KCNMA1: variants seen among roughly 807,000 people sequenced by gnomAD.
KCNMA1 encodes the protein potassium calcium-activated channel subfamily M alpha 1.
In KCNMA1, 29 loss-of-function variants were observed where a neutral mutation model predicts 140.0. That is an observed-to-expected ratio of 0.21 (90% CI 0.15 to 0.28). KCNMA1 has a LOEUF of 0.28. Among genes scored for constraint, KCNMA1 ranks in the 10% least tolerant of loss-of-function variants. KCNMA1 has a pLI of 1.00. For missense variants in KCNMA1, 880 were observed against 1,602.2 expected (o/e 0.55, Z 7.70); for synonymous variants, 612 against 611.9 (o/e 1.00, Z 0.00).
intron 5 of KCNMA1, among the ~76,000 whole-genome samples, chr10:77,130,613 T>C (rs1396570744): frequency 6.6e-6 from 1 of 152,092 alleles, no homozygotes; most frequent in Non-Finnish European, 1.5e-5. Flanking sequence ...ACATAGCAGA[T>C]GGATCACAAT....
chr10:77,561,401 C>T (rs976104775), intron 1 of KCNMA1, among the ~76,000 whole-genome samples: 1 of 152,154 alleles, frequency 6.6e-6, no homozygotes, highest in Non-Finnish European at 1.5e-5. Flanking sequence ...TTCTCATCCC[C>T]ACTTTGCGGA....
intron 9 of KCNMA1, among the ~76,000 whole-genome samples, chr10:77,100,246 T>C (rs1431982996): frequency 6.6e-6 from 1 of 152,200 alleles, no homozygotes; most frequent in East Asian, 1.9e-4. Flanking sequence ...GGAGTTTTCC[T>C]AAGGCTGTTC....
chr10:77,428,925 C>T (rs372100936), intron 1 of KCNMA1, among the ~76,000 whole-genome samples: 1 of 152,118 alleles, frequency 6.6e-6, no homozygotes, highest in Admixed American at 6.5e-5. Flanking sequence ...CAGAGCAAAG[C>T]GAGCTGCCCC....
intron 18 of KCNMA1, among the ~76,000 whole-genome samples, chr10:77,006,730 G>C (rs190178214): frequency 2.7e-4 from 41 of 152,316 alleles, no homozygotes; most frequent in African/African-American, 9.1e-4. Context: ...TTTGGCACTA[G>C]AGTTGTTGGT....
chr10:77,104,329 A>G (rs1020449427), intron 9 of KCNMA1, among the ~76,000 whole-genome samples: 6 of 152,326 alleles, frequency 3.9e-5, no homozygotes, highest in South Asian at 4.1e-4. Flanking sequence ...TTTCACAGGC[A>G]GCTTTCTTGA....
chr10:76,929,058 G>GT (rs573651810), intron 23 of KCNMA1, among the ~76,000 whole-genome samples: 16 of 151,872 alleles, frequency 1.1e-4, no homozygotes, highest in Admixed American at 1.3e-4. Flanking sequence ...ACAGAAATGA[G>GT]TTTTTTTTAA....
At chr10:77,059,406 G>A (rs371570752) in intron 14 of KCNMA1, among the ~76,000 whole-genome samples, 5 of 151,800 alleles carry the variant, frequency 3.3e-5, no homozygotes, top group Admixed American at 6.6e-5. Flanking sequence ...TCTAAGAAAC[G>A]TACAAACTAA....
At position 77,112,398 on chromosome 10, in the gene KCNMA1, G is replaced by A; in HGVS notation, c.929C>T (p.Thr310Met). Residue 310 changes from threonine to methionine, a missense_variant, in exon 7 of 28, where the codon ACG becomes ATG. Coordinates refer to ENST00000286628, the MANE Select transcript of KCNMA1 (RefSeq NM_001161352.2). ...LVNLLSIFIS[T>M]WLTAAGFIHL... Reference sequence around the variant, plus strand: ...GATGAACCCGGCTGCAGTCAGCCACGTGCTGATAAATATGGAGAGCAGATT... The same window carrying A: ...GATGAACCCGGCTGCAGTCAGCCACATGCTGATAAATATGGAGAGCAGATT... 1 of 1,613,920 alleles carries A rather than the reference G, an allele frequency of 6.2e-7. No homozygotes were observed. Among genetic ancestry groups the A allele is most frequent in the Non-Finnish European group, 8.5e-7 (1 of 1,179,818 alleles).
chr10:77,419,864 G>C (rs2096830352), intron 1 of KCNMA1, among the ~76,000 whole-genome samples: 2 of 152,182 alleles, frequency 1.3e-5, no homozygotes, highest in South Asian at 4.1e-4. Context: ...GAAGTCATTG[G>C]TCCCAGTGGC....
intron 5 of KCNMA1, among the ~76,000 whole-genome samples, chr10:77,165,014 A>G: frequency 6.6e-6 from 1 of 152,170 alleles, no homozygotes; most frequent in East Asian, 1.9e-4. Flanking sequence ...TAATAGAAAG[A>G]AAAAAATACA....
chr10:77,519,211 T>G (rs368869895), intron 1 of KCNMA1, among the ~76,000 whole-genome samples: 9 of 152,358 alleles, frequency 5.9e-5, no homozygotes, highest in African/African-American at 2.2e-4. Flanking sequence ...CATCAGCCAG[T>G]GAAATGCTCA....
chr10:76,941,116 G>A (rs1591410224), intron 23 of KCNMA1, among the ~76,000 whole-genome samples: 1 of 88,642 alleles, frequency 1.1e-5, no homozygotes, highest in South Asian at 4.8e-4. Context: ...GGGAGGGAGG[G>A]AGGGAAGGGA....
chr10:77,026,337 G>C (rs2093459913), intron 16 of KCNMA1, among the ~76,000 whole-genome samples: 1 of 152,094 alleles, frequency 6.6e-6, no homozygotes, highest in Non-Finnish European at 1.5e-5. Context: ...TTTGAAAGAT[G>C]CACAAAAGTA....
intron 1 of KCNMA1, among the ~76,000 whole-genome samples, chr10:77,483,000 AC>A (rs2098417686): frequency 8.1e-5 from 2 of 24,634 alleles, no homozygotes; most frequent in Non-Finnish European, 1.5e-4. Flanking sequence ...ATACACACAC[AC>A]ACACACACAC....
At chr10:77,394,486 G>C (rs1473607479) in intron 2 of KCNMA1, among the ~76,000 whole-genome samples, 1 of 152,244 alleles carries the variant, frequency 6.6e-6, no homozygotes, top group Non-Finnish European at 1.5e-5. Flanking sequence ...GCAGGGCCTG[G>C]GGTGTGGGGG....
intron 1 of KCNMA1, among the ~76,000 whole-genome samples, chr10:77,428,591 C>T (rs902886640): frequency 1.3e-5 from 2 of 151,898 alleles, no homozygotes; most frequent in African/African-American, 4.8e-5. Flanking sequence ...ATGTGAGAGG[C>T]TAATTAGTCA....
chr10:77,373,469 C>T (rs201736739), intron 2 of KCNMA1, among the ~76,000 whole-genome samples: 5 of 152,162 alleles, frequency 3.3e-5, no homozygotes, highest in Non-Finnish European at 2.9e-5. Flanking sequence ...GAACATCTTA[C>T]GGAGTTATTT....
intron 29 of KCNMA1, among the ~76,000 whole-genome samples, chr10:76,879,492 G>A (rs1051411447): frequency 6.6e-6 from 1 of 151,980 alleles, no homozygotes; most frequent in Non-Finnish European, 1.5e-5. Context: ...GAATGATAAA[G>A]TTACAATCTG....
intron 18 of KCNMA1, among the ~76,000 whole-genome samples, chr10:77,007,365 T>G (rs1421175606): frequency 6.6e-6 from 1 of 152,042 alleles, no homozygotes; most frequent in Non-Finnish European, 1.5e-5. Context: ...TCCTACTGAG[T>G]ACTGACTAAA....
Sources: gnomAD v4.1 joint callset for allele counts (sites outside exome capture counted in the v4.1 genomes callset) on GRCh38, gnomAD v4.1.1 for gene constraint, MANE v1.5 for transcripts, NCBI Gene and HGNC (gene_info 2026-07-23, HGNC 2026-07-21) for gene names.